The following LARP4B variants were observed in gnomAD, a reference collection of about 807,000 sequenced individuals.
The protein encoded by LARP4B is la-related protein 4B.
Under a neutral mutation model 89.8 loss-of-function variants are expected in LARP4B, and 12 were observed. The observed-to-expected ratio is 0.13, with a 90% confidence interval of 0.09 to 0.22. LARP4B has a LOEUF of 0.22. LARP4B is among the 10% of genes least tolerant of loss of function. The probability of loss-of-function intolerance (pLI) is 1.00; values close to 1 mark genes in which losing one functional copy is unlikely to be tolerated. For missense variants in LARP4B, 757 were observed against 947.7 expected, an observed-to-expected ratio of 0.80 and a Z score of 2.64; for synonymous variants, 367 against 363.3, an observed-to-expected ratio of 1.01 and a Z score of -0.12.
intron 1 of LARP4B, among the ~76,000 whole-genome samples, chr10:887,547 T>C (rs1486879373): frequency 1.3e-5 from 2 of 150,516 alleles, no homozygotes; most frequent in Admixed American, 6.6e-5. Flanking sequence ...CTCATCTCTC[T>C]AAAAAATTTA....
intron 3 of LARP4B, among the ~76,000 whole-genome samples, chr10:875,421 A>T (rs1374571031): frequency 6.6e-6 from 1 of 152,140 alleles, no homozygotes; most frequent in East Asian, 1.9e-4. Context: ...CTTCTAAGAT[A>T]CCATTCCCCC....
intron 11 of LARP4B, among the ~76,000 whole-genome samples, chr10:827,584 T>C (rs954038315): frequency 6.6e-6 from 1 of 152,120 alleles, no homozygotes; most frequent in African/African-American, 2.4e-5. Context: ...AGCCCCAGTA[T>C]CACAGACTCA....
chr10:892,559 A>C (rs992705559), intron 1 of LARP4B, among the ~76,000 whole-genome samples: 1 of 150,418 alleles, frequency 6.6e-6, no homozygotes, highest in East Asian at 1.9e-4. Context: ...TTTTTTTTTG[A>C]GATAGAGTAT....
At chr10:840,720 TAACAC>T (rs1204292423) in intron 7 of LARP4B, among the ~76,000 whole-genome samples, 1 of 152,234 alleles carries the variant, frequency 6.6e-6, no homozygotes, top group Non-Finnish European at 1.5e-5. Context: ...TTATGCAACT[TAACAC>T]AAGAGCTGCA....
rs1303789544 is a variant in LARP4B, at chr10:829,181, AG to A, written c.1125+203del. ...GACAAGAGGGGAGACGGGCTGTGCA[AG>A]GATTGTGCTCACAGCAATCCAAAGT... On this transcript the variant is annotated intron_variant, in intron 11 of 17. Coordinates refer to ENST00000316157, the MANE Select transcript of LARP4B (RefSeq NM_015155.3). Among the ~76,000 whole-genome samples the A allele has an allele frequency of 3.3e-5, 5 of 152,330 alleles. No homozygotes were observed. In the East Asian group the frequency reaches 9.6e-4, roughly 29 times the overall value.
chr10:979,442 C>T, the LARP4B span, among the ~76,000 whole-genome samples: 1 of 152,174 alleles, frequency 6.6e-6, no homozygotes, highest in Non-Finnish European at 1.5e-5. Flanking sequence ...GGAGAGACTG[C>T]TCTGGTTATT....
intron 5 of LARP4B, among the ~76,000 whole-genome samples, chr10:851,919 A>G (rs1834072896): frequency 6.6e-6 from 1 of 152,026 alleles, no homozygotes; most frequent in African/African-American, 2.4e-5. Context: ...TACAAAAATA[A>G]GCCAGGCGTG....
intron 11 of LARP4B, among the ~76,000 whole-genome samples, chr10:828,747 T>C (rs532702800): frequency 5.5e-4 from 84 of 152,326 alleles, no homozygotes; most frequent in Non-Finnish European, 1.1e-3. Flanking sequence ...ACTTCTCAAC[T>C]AGACTTCAGC....
rs924619138 is a variant in LARP4B, at chr10:810,605, C to T, written c.*2321G>A. On this transcript the variant is annotated 3_prime_UTR_variant, in exon 18 of 18. Coordinates refer to ENST00000316157, the MANE Select transcript of LARP4B (RefSeq NM_015155.3). ...AATGCTCACACCTTGGGGGAAAGGA[C>T]TTCTCATTATTAAAAACCAAGGACT... 4 of 152,244 alleles carry T rather than the reference C, an allele frequency of 2.6e-5. No individual in the cohort carries two copies. Among genetic ancestry groups the T allele is most frequent in the African/African-American group, 9.6e-5 (4 of 41,468 alleles). The allele number at this position is 152,244 out of a possible 1,614,324, so 9.4% of individuals were successfully genotyped here.
chr10:843,667 C>G (rs1453725125), intron 6 of LARP4B, among the ~76,000 whole-genome samples: 5 of 152,004 alleles, frequency 3.3e-5, no homozygotes, highest in Non-Finnish European at 5.9e-5. Context: ...CCACTGCACT[C>G]TAGCCTGGGC....
rs1315565872 is a variant in LARP4B, at chr10:811,280, TCTGTA to T, written c.*1641_*1645del. The T allele has an allele frequency of 6.5e-6, 1 of 152,786 alleles. No homozygotes were observed. The highest frequency in any genetic ancestry group is 1.9e-4 in the East Asian group (1 of 5,188). The allele number at this position is 152,786 out of a possible 1,614,324, so 9.5% of individuals were successfully genotyped here. A position where few individuals can be genotyped will look rare whatever the true frequency, so the allele number is the denominator to read the frequency against. On this transcript the variant is annotated 3_prime_UTR_variant, in exon 18 of 18. Coordinates refer to ENST00000316157, the MANE Select transcript of LARP4B (RefSeq NM_015155.3). ...AGCAACATTTATAATATATCAATAA[TCTGTA>T]TCAGAATTTTCTCTGTAGGGTACCT...
chr10:881,417 C>A (rs12763396), intron 3 of LARP4B, among the ~76,000 whole-genome samples: 24,238 of 152,136 alleles, frequency 0.16, 2,083 homozygotes, highest in Non-Finnish European at 0.19. Flanking sequence ...AAGGTCACAA[C>A]TGACCCCTCG....
intron 1 of LARP4B, among the ~76,000 whole-genome samples, chr10:930,767 G>A (rs562080657): frequency 6.6e-4 from 101 of 152,264 alleles, no homozygotes; most frequent in Non-Finnish European, 5.6e-4. Flanking sequence ...AAACAGGAGC[G>A]TTCCAAACAC....
chr10:941,982 C>CTA, the LARP4B span, among the ~76,000 whole-genome samples: 11 of 152,276 alleles, frequency 7.2e-5, no homozygotes, highest in African/African-American at 2.6e-4. Flanking sequence ...ATATCTTGAA[C>CTA]TATACCTAGA....
chr10:951,849 G>A, the LARP4B span, among the ~76,000 whole-genome samples: 2 of 149,486 alleles, frequency 1.3e-5, no homozygotes, highest in South Asian at 2.1e-4. Context: ...GGAAGAAATC[G>A]CAGCAGCCCA....
At chr10:878,821 C>T (rs1835561225) in intron 3 of LARP4B, among the ~76,000 whole-genome samples, 1 of 152,076 alleles carries the variant, frequency 6.6e-6, no homozygotes, top group Non-Finnish European at 1.5e-5. Context: ...GAACAAAATG[C>T]CTTAATAGCA....
chr10:809,191 C>G (rs932477476), downstream of LARP4B: 1 of 152,196 alleles, frequency 6.6e-6, no homozygotes, highest in Admixed American at 6.5e-5. Context: ...CATGAAGACC[C>G]AACGTTAGCT....
chr10:988,118 C>T, the LARP4B span: 1,315 of 223,302 alleles, frequency 5.9e-3, 20 homozygotes, highest in African/African-American at 0.029. Flanking sequence ...AGACCCCGGA[C>T]CCTCCAACCC....
At chr10:864,713 G>A (rs186538737) in intron 3 of LARP4B, among the ~76,000 whole-genome samples, 63 of 152,314 alleles carry the variant, frequency 4.1e-4, no homozygotes, top group African/African-American at 1.2e-3. Context: ...CAGCACTTTG[G>A]GAGGCCAAGG....
Sources: allele counts gnomAD v4.1 joint callset (sites outside exome capture counted in the v4.1 genomes callset), GRCh38; gene constraint gnomAD v4.1.1; transcripts MANE v1.5; gene names NCBI Gene and HGNC (gene_info 2026-07-23, HGNC 2026-07-21).